Variants in CLIP1 observed in about 807,000 individuals in gnomAD.
CLIP1 encodes the protein CAP-Gly domain containing linker protein 1.
Under a neutral mutation model 161.6 loss-of-function variants are expected in CLIP1, and 66 were observed. The ratio of observed to expected loss-of-function variants is 0.41; its 90% CI spans 0.33 to 0.50. The LOEUF (loss-of-function observed/expected upper bound fraction) is 0.50. CLIP1 is among the 20% of genes least tolerant of loss of function. The pLI is 0.27. For synonymous variants in CLIP1, 598 were observed against 626.2 expected (o/e 0.96, Z 0.67); for missense variants, 1,376 against 1,702.0 (o/e 0.81, Z 3.37).
intron 25 of CLIP1, 66 bp from the exon 26 acceptor site, chr12:122,273,166 CA>C: frequency 1.4e-6 from 2 of 1,397,304 alleles, no homozygotes; most frequent in South Asian, 1.3e-5. Context: ...AGAACACTTG[CA>C]AAAAATTTAA....
In CLIP1 at chr12:122,355,521, G is replaced by A. The variant is rs1011668084; in HGVS notation, c.1006-209C>T. 43 of 554,656 alleles carry A rather than the reference G, an allele frequency of 7.8e-5. No homozygotes were observed. In the African/African-American group the frequency reaches 8.1e-4, roughly 11 times the overall value. 34.4% of individuals were successfully genotyped at this position (554,656 alleles called of 1,614,324 possible). A position where few individuals can be genotyped will look rare whatever the true frequency, so the allele number is the denominator to read the frequency against. On this transcript the variant is annotated intron_variant, in intron 5 of 25. Coordinates refer to ENST00000620786, the MANE Select transcript of CLIP1 (RefSeq NM_001247997.2). This position sits in a 1 kb window ranked among gnomAD's most constrained non-coding sequence, Gnocchi z 4.1. The stretch of plus-strand genomic sequence containing the variant: ...CTCACAAAGAATACATCAACGTAAA[G>A]AGATCAGCCAGGTGCGGTGGCTCAT...
chr12:122,371,868 A>T (rs1208512511), intron 3 of CLIP1, among the ~76,000 whole-genome samples: 2 of 152,224 alleles, frequency 1.3e-5, no homozygotes, highest in Non-Finnish European at 1.5e-5. Flanking sequence ...CTGTGTGCAA[A>T]CAGGAAAAAG....
intron 3 of CLIP1, among the ~76,000 whole-genome samples, chr12:122,367,947 C>T (rs1954250055): frequency 6.6e-6 from 1 of 152,124 alleles, no homozygotes; most frequent in African/African-American, 2.4e-5. Context: ...CACTGCACTC[C>T]AGCCTGGACA....
At chr12:122,390,793 GAAA>G (rs763901737) in intron 1 of CLIP1, among the ~76,000 whole-genome samples, 1 of 137,202 alleles carries the variant, frequency 7.3e-6, no homozygotes, top group Non-Finnish European at 1.6e-5. Flanking sequence ...GATGAGGTAT[GAAA>G]AAAAAAAAAG....
chr12:122,329,413 G>A (rs546817129), intron 15 of CLIP1, among the ~76,000 whole-genome samples: 4 of 152,086 alleles, frequency 2.6e-5, no homozygotes, highest in African/African-American at 9.6e-5. Context: ...GGCGGATCAC[G>A]AGGTTAGGAG....
At chr12:122,289,548 C>T (rs1046617193) in intron 20 of CLIP1, among the ~76,000 whole-genome samples, 1 of 152,078 alleles carries the variant, frequency 6.6e-6, no homozygotes, top group Non-Finnish European at 1.5e-5. Context: ...TCTCTGTGGG[C>T]CTCAATGTAC....
At chr12:122,377,221 G>C (rs1479522217) in intron 3 of CLIP1, among the ~76,000 whole-genome samples, 168 bp downstream of exon 3, 1 of 151,872 alleles carries the variant, frequency 6.6e-6, no homozygotes, top group Non-Finnish European at 1.5e-5. Context: ...TCTTGGCCAG[G>C]CTGGTCTTGA....
At chr12:122,366,177 C>T (rs1257580281) in intron 3 of CLIP1, among the ~76,000 whole-genome samples, 1 of 151,880 alleles carries the variant, frequency 6.6e-6, no homozygotes, top group African/African-American at 2.4e-5. Flanking sequence ...TGTGGTGGCT[C>T]ACGCCTGTAG....
Position 122,333,152 on chromosome 12 carries a change from A to T in CLIP1, c.2711-9T>A. On this transcript the variant is annotated splice_polypyrimidine_tract_variant and intron_variant, in intron 14 of 25. Transcript: ENST00000620786. Reference sequence around the variant, plus strand: ...AAATTTTGCCTCCATATCTAAATATATAGAGAAAAAAAGAATAGCACGGCT... The same window carrying T: ...AAATTTTGCCTCCATATCTAAATATTTAGAGAAAAAAAGAATAGCACGGCT... 1 of 1,600,686 alleles carries T rather than the reference A, an allele frequency of 6.2e-7. No homozygotes were observed. The highest frequency in any genetic ancestry group is 8.5e-7 in the Non-Finnish European group (1 of 1,172,222).
Position 122,319,242 on chromosome 12 carries a change from A to T in CLIP1, c.3356T>A (p.Leu1119Gln). 6.2e-7 allele frequency: 1 copy of T among 1,603,104 alleles called. No homozygotes were observed. The highest frequency in any genetic ancestry group is 8.5e-7 in the Non-Finnish European group (1 of 1,169,924). ...TTTAAATCTGATTACTTCATTCTGTAGTTTTGCATTTGTTTGCTTGGTGTC... is the reference window on the plus strand; with the variant it reads ...TTTAAATCTGATTACTTCATTCTGTTGTTTTGCATTTGTTTGCTTGGTGTC... The part of the protein sequence containing the change: ...LEDTKQTNAK[L>Q]QNELDTLKEN... The change falls in exon 18 of 26, where the codon CTA becomes CAA. Residue 1119 changes from leucine to glutamine, a missense_variant. Leu to Gln is a moderately radical substitution (Grantham distance 113). Coordinates refer to ENST00000620786, the MANE Select transcript of CLIP1 (RefSeq NM_001247997.2).
At chr12:122,317,052 G>GAT (rs3066209) in intron 18 of CLIP1, among the ~76,000 whole-genome samples, 197 bp from the exon 19 acceptor site, 7 of 151,388 alleles carry the variant, frequency 4.6e-5, no homozygotes, top group Non-Finnish European at 8.8e-5. Flanking sequence ...CATTTAGTCT[G>GAT]ATATATATAT....
At chr12:122,309,510 GA>G (rs1249694535) in intron 20 of CLIP1, among the ~76,000 whole-genome samples, 4 of 152,176 alleles carry the variant, frequency 2.6e-5, no homozygotes, top group African/African-American at 9.7e-5. Flanking sequence ...GTCTAATAAA[GA>G]TAGTATTTTC....
At chr12:122,350,532 A>C (rs1432226994) in intron 9 of CLIP1, among the ~76,000 whole-genome samples, 1 of 152,136 alleles carries the variant, frequency 6.6e-6, no homozygotes, top group Non-Finnish European at 1.5e-5. Context: ...CTAGTTTTGC[A>C]ACTAAGGAAA....
In CLIP1 at chr12:122,328,123, G is replaced by C. The variant is rs1186707159; in HGVS notation, c.3073C>G (p.Leu1025Val). 1 of 1,614,008 alleles carries C rather than the reference G, an allele frequency of 6.2e-7. No individual in the cohort carries two copies. Among genetic ancestry groups the C allele is most frequent in the Non-Finnish European group, 8.5e-7 (1 of 1,180,032 alleles). The change falls in exon 17 of 26, where the codon CTG (leucine) becomes GTG (valine). Residue 1025 changes from leucine (L) to valine (V), a missense_variant. Leu to Val is a conservative substitution (Grantham distance 32). Around this residue, in one of 6 missense-constraint regions of CLIP1, gnomAD observed 948 missense variants for 1,134.8 expected, o/e 0.84. Transcript: ENST00000620786. ...METSHNQCQE[L>V]KARYERATSE... ...GTGGCTCTCTCATACCTGGCTTTCA[G>C]CTCCTGACACTGGTTGTGGCTTGTT...
At chr12:122,388,221 A>ATT (rs202147907) in intron 1 of CLIP1, among the ~76,000 whole-genome samples, 35 of 143,240 alleles carry the variant, frequency 2.4e-4, no homozygotes, top group African/African-American at 6.9e-4. Flanking sequence ...TAGGCCAGCT[A>ATT]TTTTTTTTTT....
intron 1 of CLIP1, among the ~76,000 whole-genome samples, chr12:122,386,942 G>A (rs1158103811): frequency 6.6e-6 from 1 of 152,114 alleles, no homozygotes; most frequent in Non-Finnish European, 1.5e-5. Context: ...TCAAGCTGGA[G>A]TGCAGTAGCA....
intron 10 of CLIP1, chr12:122,343,669 A>G (rs984224131): frequency 2.6e-5 from 4 of 152,160 alleles, no homozygotes; most frequent in Non-Finnish European, 4.4e-5. Flanking sequence ...CTTCGATTCT[A>G]TTTGAGCTCC....
chr12:122,294,995 T>G (rs1470589723), intron 20 of CLIP1, among the ~76,000 whole-genome samples: 18 of 122,000 alleles, frequency 1.5e-4, no homozygotes, highest in South Asian at 5.2e-4. Context: ...GGCAGAGGTT[T>G]CAGTGAGCCA....
chr12:122,284,427 ACTGCAACCT>A (rs1955769877), intron 21 of CLIP1, among the ~76,000 whole-genome samples: 1 of 151,006 alleles, frequency 6.6e-6, no homozygotes, highest in African/African-American at 2.4e-5. Flanking sequence ...ATCTCGGCGC[ACTGCAACCT>A]CTGCATCCCG....
Sources: gnomAD v4.1 joint callset for allele counts (sites outside exome capture counted in the v4.1 genomes callset) on GRCh38, gnomAD v4.1.1 for gene constraint, gnomAD v4.1.1 regional missense constraint, Gnocchi (gnomAD v3.1) non-coding constraint, MANE v1.5 for transcripts, NCBI Gene and HGNC (gene_info 2026-07-23, HGNC 2026-07-21) for gene names.